MSI2: variants seen among roughly 807,000 people sequenced by gnomAD.
MSI2 encodes the protein musashi RNA binding protein 2, also known as RNA-binding protein Musashi homolog 2.
In MSI2, 17 loss-of-function variants were observed where a neutral mutation model predicts 45.6. That is an observed-to-expected ratio of 0.37 (90% CI 0.26 to 0.56). The LOEUF (loss-of-function observed/expected upper bound fraction) is 0.56. Ranked by LOEUF, MSI2 falls within the 20% of genes least tolerant of loss-of-function variation. MSI2 has a pLI of 0.77. For synonymous variants in MSI2, 156 were observed against 158.2 expected, an observed-to-expected ratio of 0.99 and a Z score of 0.11; for missense variants, 293 against 444.2, an observed-to-expected ratio of 0.66 and a Z score of 3.06.
chr17:57,451,951 G>C (rs1024622431), intron 6 of MSI2, among the ~76,000 whole-genome samples: 1 of 152,214 alleles, frequency 6.6e-6, no homozygotes, highest in Non-Finnish European at 1.5e-5. Context: ...AGGAGTATCA[G>C]GGCGTGAGGA....
chr17:57,471,264 C>T (rs2085430735), intron 6 of MSI2, among the ~76,000 whole-genome samples: 1 of 145,280 alleles, frequency 6.9e-6, no homozygotes, highest in Non-Finnish European at 1.5e-5. Context: ...CAACCTGCGG[C>T]ATTTATGGAG....
chr17:57,262,782 C>T (rs892294583), intron 5 of MSI2, among the ~76,000 whole-genome samples: 1 of 152,128 alleles, frequency 6.6e-6, no homozygotes, highest in Non-Finnish European at 1.5e-5. Flanking sequence ...AATGTTGTAA[C>T]CTTGTAGGAG....
At chr17:57,547,637 T>C (rs7216987) in intron 7 of MSI2, among the ~76,000 whole-genome samples, 54,606 of 151,570 alleles carry the variant, frequency 0.36, 11,112 homozygotes, top group African/African-American at 0.56. Flanking sequence ...GTATGGGGAC[T>C]GCTTTGGTGG....
intron 6 of MSI2, among the ~76,000 whole-genome samples, chr17:57,427,469 G>T (rs990245638): frequency 3.3e-5 from 5 of 152,030 alleles, no homozygotes; most frequent in African/African-American, 1.2e-4. Flanking sequence ...GGACCTCACG[G>T]GATGTGGGGA....
At chr17:57,531,873 T>C (rs1316406418) in intron 7 of MSI2, 1 of 152,198 alleles carries the variant, frequency 6.6e-6, no homozygotes, top group Non-Finnish European at 1.5e-5. Flanking sequence ...CAGATCCCTG[T>C]TGCTGTGGGT....
At chr17:57,379,430 C>T (rs1470564270) in intron 5 of MSI2, among the ~76,000 whole-genome samples, 1 of 150,282 alleles carries the variant, frequency 6.7e-6, no homozygotes, top group Non-Finnish European at 1.5e-5. Context: ...CAATAAAAGT[C>T]GTGATTTATG....
intron 6 of MSI2, among the ~76,000 whole-genome samples, chr17:57,446,959 T>C (rs1488943312): frequency 6.6e-6 from 1 of 152,224 alleles, no homozygotes; most frequent in Non-Finnish European, 1.5e-5. Context: ...TATGCTTTGA[T>C]GCAAGGTTGC....
chr17:57,441,169 A>G (rs1270563634), intron 6 of MSI2, among the ~76,000 whole-genome samples: 1 of 152,178 alleles, frequency 6.6e-6, no homozygotes, highest in Non-Finnish European at 1.5e-5. Context: ...AGAACCACCC[A>G]CACCCTTGCC....
intron 5 of MSI2, among the ~76,000 whole-genome samples, chr17:57,271,443 A>G (rs1441633551): frequency 1.3e-5 from 2 of 152,148 alleles, no homozygotes; most frequent in African/African-American, 4.8e-5. Flanking sequence ...CAAGAGCTCT[A>G]AATTGCTGTT....
chr17:57,392,623 A>C (rs2083815475), intron 5 of MSI2, among the ~76,000 whole-genome samples: 1 of 152,160 alleles, frequency 6.6e-6, no homozygotes, highest in African/African-American at 2.4e-5. Flanking sequence ...GAGAACTTGG[A>C]GGAACATTTG....
intron 6 of MSI2, among the ~76,000 whole-genome samples, chr17:57,517,736 C>A (rs1455840039): frequency 6.6e-6 from 1 of 152,088 alleles, no homozygotes; most frequent in East Asian, 1.9e-4. Flanking sequence ...GAGAAAAGGG[C>A]CTGGGGCTTG....
chr17:57,272,804 G>T (rs1329542994), intron 5 of MSI2, among the ~76,000 whole-genome samples: 1 of 152,122 alleles, frequency 6.6e-6, no homozygotes, highest in African/African-American at 2.4e-5. Flanking sequence ...AACAGTACTG[G>T]GCGAGTGTTC....
chr17:57,607,113 T>C (rs1344789314), intron 8 of MSI2, among the ~76,000 whole-genome samples: 1 of 152,236 alleles, frequency 6.6e-6, no homozygotes, highest in African/African-American at 2.4e-5. Context: ...TGGACATTCT[T>C]TGAGGACTTC....
chr17:57,524,961 T>A (rs2086666537), intron 6 of MSI2, among the ~76,000 whole-genome samples: 1 of 152,166 alleles, frequency 6.6e-6, no homozygotes, highest in Non-Finnish European at 1.5e-5. Context: ...TGGGAGCTTG[T>A]TAGAAATGCA....
chr17:57,550,204 G>A (rs1190346427), intron 7 of MSI2, among the ~76,000 whole-genome samples: 2 of 152,192 alleles, frequency 1.3e-5, no homozygotes, highest in African/African-American at 4.8e-5. Flanking sequence ...TTGCAGAACT[G>A]TTCTTAGAGC....
chr17:57,343,095 A>C (rs1915307233), intron 5 of MSI2, among the ~76,000 whole-genome samples: 1 of 152,204 alleles, frequency 6.6e-6, no homozygotes, highest in Non-Finnish European at 1.5e-5. Flanking sequence ...TTCTCTCAGA[A>C]AATGTGACTA....
At chr17:57,494,569 T>C (rs749978666) in intron 6 of MSI2, among the ~76,000 whole-genome samples, 17 of 152,212 alleles carry the variant, frequency 1.1e-4, no homozygotes, top group Non-Finnish European at 2.2e-4. Flanking sequence ...GAGAATGTTG[T>C]TTTCCTCCAT....
chr17:57,472,755 G>A (rs142821865), intron 6 of MSI2, among the ~76,000 whole-genome samples: 1 of 152,172 alleles, frequency 6.6e-6, no homozygotes, highest in Admixed American at 6.5e-5. Context: ...AACACTATGT[G>A]GTGGTGGCTG....
chr17:57,399,909 C>T (rs1029314683), intron 5 of MSI2, among the ~76,000 whole-genome samples: 1 of 152,244 alleles, frequency 6.6e-6, no homozygotes, highest in Non-Finnish European at 1.5e-5. Flanking sequence ...CCTGGTGTCA[C>T]TCACCTCAGG....
Sources: allele counts gnomAD v4.1 joint callset (sites outside exome capture counted in the v4.1 genomes callset), GRCh38; gene constraint gnomAD v4.1.1; transcripts MANE v1.5; gene names NCBI Gene and HGNC (gene_info 2026-07-23, HGNC 2026-07-21).